SPDYE2: variants seen among roughly 807,000 people sequenced by gnomAD.
SPDYE2 encodes speedy/RINGO cell cycle regulator family member E2.
For missense variants in SPDYE2, 1 was observed against 121.0 expected, an observed-to-expected ratio of 0.01 and a Z score of 4.65; for synonymous variants, 2 against 45.1, an observed-to-expected ratio of 0.04 and a Z score of 3.83.
intron 6 of SPDYE2, among the ~76,000 whole-genome samples, chr7:102,560,297 C>T (rs1586816808): frequency 4.3e-4 from 1 of 2,342 alleles, no homozygotes; most frequent in South Asian, 0.019. Context: ...TGCCCAGGCC[C>T]GTCTCAAACT....
rs1341163221 is a variant in SPDYE2, at chr7:102,553,750, G to A, written c.160+335G>A. On this transcript the variant is annotated intron_variant, in intron 2 of 8. Transcript: ENST00000507918. ...AAAAAAAGAAAAAAAAGAAAAGAAGGGTCAGTGGTCAGGAAGGAGAACCTG... is the reference window on the plus strand; with the variant it reads ...AAAAAAAGAAAAAAAAGAAAAGAAGAGTCAGTGGTCAGGAAGGAGAACCTG... Among the ~76,000 whole-genome samples the A allele has an allele frequency of 9.2e-3, 326 of 35,330 alleles. 3 individuals are homozygous for A. The highest frequency in any genetic ancestry group is 0.015 in the African/African-American group (308 of 20,966). 23.2% of individuals were successfully genotyped at this position (35,330 alleles called of 152,430 possible). A position where few individuals can be genotyped will look rare whatever the true frequency, so the allele number is the denominator to read the frequency against.
chr7:102,562,665 G>A (rs1800913005), exon 9 of SPDYE2: 1 of 71,890 alleles, frequency 1.4e-5, no homozygotes, highest in African/African-American at 5.0e-5. Context: ...ATTTTTAAGA[G>A]ACAATTCTTT....
At chr7:102,565,148 A>T (rs1801015212), downstream of SPDYE2, 1 of 97,338 alleles carries the variant, frequency 1.0e-5, no homozygotes. Flanking sequence ...GCAAATTTGG[A>T]GGTTCCCACC....
chr7:102,554,968 TGTG>T (rs1200811982), intron 3 of SPDYE2, among the ~76,000 whole-genome samples: 2 of 131,300 alleles, frequency 1.5e-5, no homozygotes, highest in Non-Finnish European at 3.4e-5. Context: ...GAAGGCCAGG[TGTG>T]GTAGCTCATG....
intron 3 of SPDYE2, among the ~76,000 whole-genome samples, chr7:102,555,246 A>AG (rs1800749227): frequency 7.5e-6 from 1 of 133,644 alleles, no homozygotes; most frequent in African/African-American, 2.7e-5. Context: ...AAAAAAAAAA[A>AG]AAAAAAAAAA....
intron 5 of SPDYE2, 144 bp downstream of exon 5, chr7:102,557,366 T>C (rs1800832988): frequency 8.2e-7 from 1 of 1,216,452 alleles, no homozygotes; most frequent in African/African-American, 1.7e-5. Flanking sequence ...TGTGTGTGTG[T>C]GTGTGTGTGT....
At chr7:102,563,046 T>C (rs1800934801) in exon 9 of SPDYE2, 1 of 149,238 alleles carries the variant, frequency 6.7e-6, no homozygotes, top group South Asian at 2.1e-4. Context: ...TTATTATTAC[T>C]TTAAATATTA....
chr7:102,557,373 G>C (rs1800833499), intron 5 of SPDYE2, 151 bp downstream of exon 5: 1 of 1,206,652 alleles, frequency 8.3e-7, no homozygotes, highest in African/African-American at 1.8e-5. Context: ...GTGTGTGTGT[G>C]TGTGTGTGAG....
At chr7:102,553,800 G>C (rs1800661288) in intron 2 of SPDYE2, among the ~76,000 whole-genome samples, 1 of 58,302 alleles carries the variant, frequency 1.7e-5, no homozygotes, top group African/African-American at 3.9e-5. Context: ...GAAGAATGGA[G>C]AAATTCAGGC....
In SPDYE2 at chr7:102,554,871, C is replaced by T. The variant is rs1430358703; in HGVS notation, c.379+294C>T. Among the ~76,000 whole-genome samples, 6 of 115,240 alleles carry T rather than the reference C, an allele frequency of 5.2e-5. 2 individuals carry two copies. Among genetic ancestry groups the T allele is most frequent in the Admixed American group, 1.8e-4 (2 of 11,228 alleles). 75.6% of individuals were successfully genotyped at this position (115,240 alleles called of 152,430 possible). ...CTGAGGCAAGAGGATTGCTTGAACTCAGGACTTTGAGGCTGCAGTGAGCTA... is the reference window on the plus strand; with the variant it reads ...CTGAGGCAAGAGGATTGCTTGAACTTAGGACTTTGAGGCTGCAGTGAGCTA... On this transcript the variant is annotated intron_variant, in intron 3 of 8. Transcript: ENST00000507918.
At chr7:102,555,191 C>T (rs1159426195) in intron 3 of SPDYE2, among the ~76,000 whole-genome samples, 3 of 129,686 alleles carry the variant, frequency 2.3e-5, no homozygotes, top group Admixed American at 8.4e-5. Context: ...CAAGATAGCG[C>T]CACTGCATTC....
At chr7:102,562,831 TA>T (rs1436232019) in exon 9 of SPDYE2, 3 of 126,610 alleles carry the variant, frequency 2.4e-5, no homozygotes, top group Admixed American at 1.7e-4. Flanking sequence ...ATTCTGGTGA[TA>T]GAAATTTTTA....
At chr7:102,557,344 T>TTG (rs1800823472) in intron 5 of SPDYE2, 122 bp downstream of exon 5, 1 of 672,208 alleles carries the variant, frequency 1.5e-6, no homozygotes, top group African/African-American at 2.8e-5. Flanking sequence ...GTCTTTTTTT[T>TTG]TTTTTTTTGT....
rs1800861685 is a variant in SPDYE2, at chr7:102,559,020, A to C, written c.755+468A>C. ...TTTTTCTCAAAAAAAAAAAAAAAAA[A>C]AAAAAAAAAGCCAAAAAAACAAACT... is the stretch of plus-strand genomic sequence containing the variant. On this transcript the variant is annotated intron_variant, in intron 6 of 8. Coordinates refer to ENST00000507918, the Ensembl canonical transcript of SPDYE2. Among the ~76,000 whole-genome samples the C allele has an allele frequency of 9.3e-5, 2 of 21,536 alleles. 1 individual carries two copies. The highest frequency in any genetic ancestry group is 2.3e-4 in the Non-Finnish European group (2 of 8,884). The allele number at this position is 21,536 out of a possible 152,430, so 14.1% of individuals were successfully genotyped here.
At position 102,557,238 on chromosome 7, in the gene SPDYE2, ATG is replaced by A; in HGVS notation, c.669+18_669+19del. 1.9e-6 allele frequency: 1 copy of A among 532,608 alleles called. No individual in the cohort carries two copies. Among genetic ancestry groups the A allele is most frequent in the Non-Finnish European group, 3.1e-6 (1 of 323,176 alleles). The allele number at this position is 532,608 out of a possible 1,614,324, so 33.0% of individuals were successfully genotyped here. A position where few individuals can be genotyped will look rare whatever the true frequency, so the allele number is the denominator to read the frequency against. ...GTCGGACAAGGTAAGGTTGTTCTCC[ATG>A]TAACTGTTCCTGTTCCAACGCATGG... On this transcript the variant is annotated intron_variant, in intron 5 of 8. Transcript: ENST00000507918.
chr7:102,555,630 CAACA>C (rs1336982125), intron 3 of SPDYE2, among the ~76,000 whole-genome samples: 35 of 56,206 alleles, frequency 6.2e-4, no homozygotes, highest in Non-Finnish European at 1.1e-3. Flanking sequence ...ACAACAACAA[CAACA>C]AAAAAAAAAA....
Position 102,551,305 on chromosome 7 carries a change from T to G in SPDYE2, c.-422+21T>G, listed in dbSNP as rs1207806952. The G allele has an allele frequency of 6.5e-6, 1 of 154,332 alleles. No homozygotes were observed. The highest frequency in any genetic ancestry group is 1.9e-4 in the East Asian group (1 of 5,222). 9.6% of individuals were successfully genotyped at this position (154,332 alleles called of 1,614,324 possible). A position where few individuals can be genotyped will look rare whatever the true frequency, so the allele number is the denominator to read the frequency against. ...GAAATGCAGGTGACTCAGCCCCTATTCCTCCATCAAACCAGCCTTGAAGAT... is the reference window on the plus strand; with the variant it reads ...GAAATGCAGGTGACTCAGCCCCTATGCCTCCATCAAACCAGCCTTGAAGAT... On this transcript the variant is annotated intron_variant, in intron 1 of 8. Coordinates refer to ENST00000507918, the Ensembl canonical transcript of SPDYE2.
chr7:102,563,668 G>A (rs1800958589), downstream of SPDYE2: 1 of 28,956 alleles, frequency 3.5e-5, no homozygotes, highest in East Asian at 5.2e-4. Context: ...AAAAACATAA[G>A]GCTGGGTGCA....
chr7:102,557,342 T>C (rs1259144247), intron 5 of SPDYE2, 120 bp downstream of exon 5: 1 of 516,132 alleles, frequency 1.9e-6, no homozygotes, highest in Admixed American at 5.1e-5. Flanking sequence ...CAGTCTTTTT[T>C]TTTTTTTTTT....
Sources: allele counts gnomAD v4.1 joint callset (sites outside exome capture counted in the v4.1 genomes callset), GRCh38; gene constraint gnomAD v4.1.1; transcripts MANE v1.5; gene names NCBI Gene and HGNC (gene_info 2026-07-23, HGNC 2026-07-21).